ZNF473: variants seen among roughly 807,000 people sequenced by gnomAD.
The protein encoded by ZNF473 is zinc finger protein 473.
ZNF473 carries 4 observed loss-of-function variants against 11.1 expected under a neutral mutation model. The observed-to-expected ratio is 0.36, with a 90% CI of 0.18 to 0.82. The LOEUF is 0.82. ZNF473 is among the 40% of genes least tolerant of loss of function. The pLI is 0.49. For missense variants in ZNF473, 854 were observed against 1,084.0 expected (o/e 0.79, Z 2.98); for synonymous variants, 404 against 390.4 (o/e 1.03, Z -0.41).
In ZNF473 at chr19:50,046,823, G is replaced by A. The variant is rs755002063; in HGVS notation, c.2380G>A (p.Ala794Thr). The change falls in exon 5 of 5, where the codon GCC (alanine) becomes ACC (threonine). Residue 794 changes from alanine (A) to threonine (T), a missense_variant. Around this residue, in one of 2 missense-constraint regions of ZNF473, gnomAD observed 186 missense variants for 293.8 expected, o/e 0.63. Transcript: ENST00000270617. The surrounding 1 kb of genome is among the most constrained non-coding windows in gnomAD (Gnocchi z 5.9). ...KPYRCGECGK[A>T]FAQKANLTQH... ...CTACAGATGTGGTGAATGTGGGAAA[G>A]CCTTTGCCCAGAAAGCAAATCTAAC... 21 of 1,614,116 alleles carry A rather than the reference G, an allele frequency of 1.3e-5. No homozygotes were observed. Among genetic ancestry groups the A allele is most frequent in the South Asian group, 2.2e-5 (2 of 91,090 alleles).
intron 4 of ZNF473, 52 bp downstream of exon 4, chr19:50,041,871 A>G: frequency 6.9e-7 from 1 of 1,453,060 alleles, no homozygotes. Flanking sequence ...CCAGACCTCC[A>G]TCCTGAGGCT....
At chr19:50,027,527 C>T (rs2077292610) in intron 1 of ZNF473, among the ~76,000 whole-genome samples, 1 of 152,098 alleles carries the variant, frequency 6.6e-6, no homozygotes, top group African/African-American at 2.4e-5. Flanking sequence ...CGTTTCTTTC[C>T]TCCCAGAGCT....
intron 1 of ZNF473, among the ~76,000 whole-genome samples, chr19:50,028,830 C>T (rs1186304274): frequency 6.6e-6 from 1 of 152,158 alleles, no homozygotes; most frequent in Admixed American, 6.5e-5. Flanking sequence ...AAATATCTGT[C>T]AACTGAGTTA....
intron 1 of ZNF473, among the ~76,000 whole-genome samples, 162 bp from the exon 2 acceptor site, chr19:50,030,730 G>A (rs1452357407): frequency 3.9e-5 from 6 of 152,332 alleles, no homozygotes; most frequent in Admixed American, 3.9e-4. Context: ...TCCCACTGTG[G>A]CCATAGACTT....
At chr19:50,033,521 C>T (rs1314404181) in intron 2 of ZNF473, among the ~76,000 whole-genome samples, 1 of 152,124 alleles carries the variant, frequency 6.6e-6, no homozygotes, top group South Asian at 2.1e-4. Flanking sequence ...CCCCCTTGCT[C>T]GTCCACCCAA....
Position 50,045,265 on chromosome 19 carries a change from T to C in ZNF473, c.822T>C (p.Phe274=). 8.1e-6 allele frequency: 13 copies of C among 1,614,168 alleles called. No individual in the cohort carries two copies. Among genetic ancestry groups the C allele is most frequent in the Non-Finnish European group, 1.1e-5 (13 of 1,180,038 alleles). The change falls in exon 5 of 5, where the codon TTT becomes TTC. Residue 274 remains phenylalanine, a synonymous_variant. Transcript: ENST00000270617. The part of the protein sequence containing the change: ...FYVCNEYGTT[F]SQSTYLWHQK... ...TGTGTAATGAATATGGGACAACTTTTAGTCAGAGTACATACCTGTGGCATC... is the reference window on the plus strand; with the variant it reads ...TGTGTAATGAATATGGGACAACTTTCAGTCAGAGTACATACCTGTGGCATC...
At chr19:50,036,070 C>T (rs1245390356) in intron 2 of ZNF473, among the ~76,000 whole-genome samples, 2 of 151,836 alleles carry the variant, frequency 1.3e-5, no homozygotes, top group African/African-American at 2.4e-5. Flanking sequence ...GATCCTCCTA[C>T]CTCAGCCTCC....
In ZNF473 at chr19:50,048,604, G is replaced by A. The variant is rs1040948859; in HGVS notation, c.*1545G>A. 1 of 152,242 alleles carries A rather than the reference G, an allele frequency of 6.6e-6. No homozygotes were observed. The highest frequency in any genetic ancestry group is 2.4e-5 in the African/African-American group (1 of 41,460). The allele number at this position is 152,242 out of a possible 1,614,324, so 9.4% of individuals were successfully genotyped here. A position where few individuals can be genotyped will look rare whatever the true frequency, so the allele number is the denominator to read the frequency against. On this transcript the variant is annotated 3_prime_UTR_variant, in exon 5 of 5. Transcript: ENST00000270617. ...GATGGGCATGTTGTATACCAAAAGA[G>A]TGTACAAAGTGTTGCAGGGCTGTGA...
At position 50,048,426 on chromosome 19, in the gene ZNF473, C is replaced by T. The variant is rs1463983292; in HGVS notation, c.*1367C>T. ...GCACCCTTGGGCTTTTCAACTCTTG[C>T]ACCTGGAGTTCTGCTGGTTAAGTTT... On this transcript the variant is annotated 3_prime_UTR_variant, in exon 5 of 5. Coordinates refer to ENST00000270617, the MANE Select transcript of ZNF473 (RefSeq NM_015428.4). 6.6e-6 allele frequency: 1 copy of T among 152,238 alleles called. No homozygotes were observed. The highest frequency in any genetic ancestry group is 1.5e-5 in the Non-Finnish European group (1 of 68,050). 9.4% of individuals were successfully genotyped at this position (152,238 alleles called of 1,614,324 possible).
intron 1 of ZNF473, among the ~76,000 whole-genome samples, chr19:50,029,958 T>C (rs990755415): frequency 2.6e-5 from 4 of 152,080 alleles, no homozygotes; most frequent in African/African-American, 9.7e-5. Context: ...TTCAAGTGAT[T>C]CTTTGCCTCA....
At chr19:50,036,460 C>T (rs1204183951) in intron 2 of ZNF473, among the ~76,000 whole-genome samples, 2 of 151,196 alleles carry the variant, frequency 1.3e-5, no homozygotes, top group African/African-American at 4.9e-5. Context: ...ACTACAGGTG[C>T]CCGCCACCAT....
intron 2 of ZNF473, among the ~76,000 whole-genome samples, chr19:50,036,867 A>G (rs1403597177): frequency 6.6e-6 from 1 of 152,188 alleles, no homozygotes; most frequent in Non-Finnish European, 1.5e-5. Flanking sequence ...CTCGAGAACT[A>G]TAGGAAACAA....
chr19:50,047,184 G>A lies in ZNF473; in HGVS notation c.*125G>A, dbSNP rs774261787. The A allele has an allele frequency of 4.2e-5, 36 of 854,292 alleles. No individual in the cohort carries two copies. The highest frequency in any genetic ancestry group is 5.6e-5 in the Non-Finnish European group (32 of 569,840). The allele number at this position is 854,292 out of a possible 1,614,324, so 52.9% of individuals were successfully genotyped here. The stretch of plus-strand genomic sequence containing the variant: ...TAAAGATTGATTAGAAAGTTTGTGC[G>A]CATGTTTTTCATTATAACAATGAAA... On this transcript the variant is annotated 3_prime_UTR_variant, in exon 5 of 5. Coordinates refer to ENST00000270617, the MANE Select transcript of ZNF473 (RefSeq NM_015428.4).
At chr19:50,032,160 C>T (rs938361056) in intron 2 of ZNF473, among the ~76,000 whole-genome samples, 3 of 149,136 alleles carry the variant, frequency 2.0e-5, no homozygotes, top group African/African-American at 5.0e-5. Flanking sequence ...TAGTCTGCCC[C>T]GTCTTCCCAC....
Position 50,044,921 on chromosome 19 carries a change from T to C in ZNF473, c.478T>C (p.Ser160Pro), listed in dbSNP as rs1278604984. 4 of 1,614,210 alleles carry C rather than the reference T, an allele frequency of 2.5e-6. No individual in the cohort carries two copies. In the Admixed American group the frequency reaches 6.7e-5, roughly 27 times the overall value. The change falls in exon 5 of 5, where the codon TCC (serine) becomes CCC (proline). Residue 160 changes from serine (S) to proline (P), a missense_variant. Transcript: ENST00000270617. ...HELKRGLSPV[S>P]TVSTGEDSMV... is the part of the protein sequence containing the mutation. ...ATTAAAGAGAGGACTCAGTCCTGTG[T>C]CCACCGTTTCCACGGGAGAAGATTC... is the stretch of plus-strand genomic sequence containing the variant.
chr19:50,035,326 G>A (rs764952380), intron 2 of ZNF473, among the ~76,000 whole-genome samples: 41 of 151,828 alleles, frequency 2.7e-4, no homozygotes, highest in Non-Finnish European at 4.9e-4. Context: ...TTGTCTAGTC[G>A]ACGGTAGAGT....
Position 50,046,093 on chromosome 19 carries a change from C to G in ZNF473, c.1650C>G (p.Ile550Met). 6.2e-7 allele frequency: 1 copy of G among 1,614,184 alleles called. No individual in the cohort carries two copies. The highest frequency in any genetic ancestry group is 8.5e-7 in the Non-Finnish European group (1 of 1,180,040). ...AAGGATTTTTTGTGAGTGGGAAGAT[C>G]TTGGATCAGAACCCAGAACAGAAAG... is the stretch of plus-strand genomic sequence containing the variant. ...EKQGFFVSGK[I>M]LDQNPEQKEK... Residue 550 changes from isoleucine to methionine, a missense_variant, in exon 5 of 5, where the codon ATC (isoleucine) becomes ATG (methionine). Ile to Met is a conservative substitution (Grantham distance 10). Coordinates refer to ENST00000270617, the MANE Select transcript of ZNF473 (RefSeq NM_015428.4). The surrounding 1 kb of genome is among the most constrained non-coding windows in gnomAD (Gnocchi z 5.9).
At chr19:50,029,382 G>A (rs1189012237) in intron 1 of ZNF473, among the ~76,000 whole-genome samples, 1 of 152,204 alleles carries the variant, frequency 6.6e-6, no homozygotes, top group Non-Finnish European at 1.5e-5. Flanking sequence ...TCCTGACCTC[G>A]TGATCCGCCT....
In ZNF473 at chr19:50,030,958, G is replaced by A. The variant is rs984721242; in HGVS notation, c.-125G>A. The A allele has an allele frequency of 5.7e-6, 8 of 1,398,716 alleles. No homozygotes were observed. Among genetic ancestry groups the A allele is most frequent in the Admixed American group, 3.9e-5 (2 of 50,710 alleles). The allele number at this position is 1,398,716 out of a possible 1,614,324, so 86.6% of individuals were successfully genotyped here. On this transcript the variant is annotated 5_prime_UTR_variant, in exon 2 of 5. Coordinates refer to ENST00000270617, the MANE Select transcript of ZNF473 (RefSeq NM_015428.4). ...TTGGGGGCTCGTCAGCATGGACAGC[G>A]AGTCAGCCATGGGTGGAAGGGAGGC...
Sources: allele counts gnomAD v4.1 joint callset (sites outside exome capture counted in the v4.1 genomes callset), GRCh38; gene constraint gnomAD v4.1.1; regional missense constraint gnomAD v4.1.1; non-coding constraint Gnocchi (gnomAD v3.1); transcripts MANE v1.5; gene names NCBI Gene and HGNC (gene_info 2026-07-23, HGNC 2026-07-21).